Variants in TULP4 observed in about 807,000 individuals in gnomAD.
TULP4 encodes the protein TUB like protein 4.
A neutral mutation model predicts 129.0 loss-of-function variants in TULP4; 16 were observed. That is an observed-to-expected ratio of 0.12 (90% CI 0.08 to 0.19). The LOEUF is 0.19. Among genes scored for constraint, TULP4 ranks in the 10% least tolerant of loss-of-function variants. The pLI, the probability that TULP4 is intolerant of heterozygous loss-of-function variation, is 1.00. For synonymous variants in TULP4, 998 were observed against 854.0 expected (o/e 1.17, Z -2.94); for missense variants, 1,842 against 2,059.1 (o/e 0.89, Z 2.04).
chr6:158,461,629 A>G lies in TULP4; in HGVS notation c.926A>G (p.Gln309Arg), dbSNP rs1779430445. 1 of 1,614,104 alleles carries G rather than the reference A, an allele frequency of 6.2e-7. No individual in the cohort carries two copies. The change falls in exon 6 of 14, where the codon CAG becomes CGG. Residue 309 changes from glutamine (Q) to arginine (R), a missense_variant. Physicochemically the swap from Gln to Arg is conservative, Grantham distance 43 (BLOSUM62 1). Coordinates refer to ENST00000367097, the MANE Select transcript of TULP4 (RefSeq NM_020245.5). ...GTCGCTGGGATGGAACGGCAGACCC[A>G]GCTTGGTGAGCTTCCCAATGGTCCC... ...LAVAGMERQT[Q>R]LGELPNGPLL...
intron 1 of TULP4, among the ~76,000 whole-genome samples, chr6:158,300,667 C>T (rs1226316250): frequency 6.6e-6 from 1 of 152,196 alleles, no homozygotes; most frequent in African/African-American, 2.4e-5. Flanking sequence ...GCTGTGCCTT[C>T]CCGTTTGGCA....
intron 12 of TULP4, among the ~76,000 whole-genome samples, chr6:158,499,247 C>T (rs1395970418): frequency 1.3e-5 from 2 of 152,124 alleles, no homozygotes; most frequent in East Asian, 1.9e-4. Context: ...CCAGCATTCC[C>T]GTGGTGCGCA....
intron 4 of TULP4, among the ~76,000 whole-genome samples, chr6:158,450,316 G>T (rs568275803): frequency 6.6e-6 from 1 of 152,308 alleles, no homozygotes; most frequent in African/African-American, 2.4e-5. Flanking sequence ...TCCTGTGAAG[G>T]GCTGTTCCGG....
In TULP4 at chr6:158,481,041, C is replaced by T. The variant is rs752951147; in HGVS notation, c.1252-14C>T. 10 of 1,542,836 alleles carry T rather than the reference C, an allele frequency of 6.5e-6. No homozygotes were observed. Among genetic ancestry groups the T allele is most frequent in the South Asian group, 5.0e-5 (4 of 80,072 alleles). On this transcript the variant is annotated splice_polypyrimidine_tract_variant and intron_variant, in intron 7 of 13. Coordinates refer to ENST00000367097, the MANE Select transcript of TULP4 (RefSeq NM_020245.5). ...TGGAGTCCCAGCTCTTCATTTTCTTCCTGTATCCTCCAGCCCCCAATTCCA... is the reference window on the plus strand; with the variant it reads ...TGGAGTCCCAGCTCTTCATTTTCTTTCTGTATCCTCCAGCCCCCAATTCCA...
chr6:158,293,960 C>G (rs1778986800), intron 1 of TULP4, among the ~76,000 whole-genome samples: 3 of 152,180 alleles, frequency 2.0e-5, no homozygotes, highest in Non-Finnish European at 4.4e-5. Flanking sequence ...AAATTTGAAC[C>G]AGCCTCGGGG....
intron 1 of TULP4, among the ~76,000 whole-genome samples, chr6:158,367,958 G>T (rs2114863888): frequency 6.7e-6 from 1 of 149,762 alleles, no homozygotes; most frequent in East Asian, 2.0e-4. Context: ...GGCGTGGTGG[G>T]ATGTGCCTGT....
intron 5 of TULP4, among the ~76,000 whole-genome samples, chr6:158,459,867 T>C (rs1189664833): frequency 6.6e-6 from 1 of 152,184 alleles, no homozygotes; most frequent in Non-Finnish European, 1.5e-5. Context: ...GTCATCTCAG[T>C]TTCCTGATCA....
intron 6 of TULP4, among the ~76,000 whole-genome samples, chr6:158,470,774 G>T (rs945981690): frequency 1.3e-5 from 2 of 152,156 alleles, no homozygotes; most frequent in African/African-American, 4.8e-5. Context: ...AAGATTTTTC[G>T]TTCATTCAGT....
At chr6:158,257,187 C>T (rs1249152499) in intron 1 of TULP4, among the ~76,000 whole-genome samples, 1 of 152,060 alleles carries the variant, frequency 6.6e-6, no homozygotes, top group East Asian at 1.9e-4. Flanking sequence ...TGTTTGACAA[C>T]CCCTGCCCCC....
chr6:158,395,879 C>A (rs547730484), intron 1 of TULP4, among the ~76,000 whole-genome samples: 1 of 151,630 alleles, frequency 6.6e-6, no homozygotes, highest in East Asian at 1.9e-4. Context: ...TACTACAATT[C>A]TGTTTTATGC....
intron 1 of TULP4, among the ~76,000 whole-genome samples, chr6:158,235,548 A>G (rs1053891056): frequency 3.3e-5 from 5 of 152,132 alleles, no homozygotes; most frequent in African/African-American, 7.2e-5. Flanking sequence ...AGGTCTCACT[A>G]TGTTGCCCAG....
chr6:158,237,479 A>C (rs1466484984), intron 1 of TULP4: 8 of 1,535,004 alleles, frequency 5.2e-6, no homozygotes, highest in Admixed American at 5.0e-5. Flanking sequence ...GGTCTTGGGG[A>C]GGTGGGTGGG....
At chr6:158,366,195 G>T (rs768871533) in intron 1 of TULP4, among the ~76,000 whole-genome samples, 1 of 152,124 alleles carries the variant, frequency 6.6e-6, no homozygotes, top group Non-Finnish European at 1.5e-5. Flanking sequence ...GGGCCACCGC[G>T]CCTGGCCGTC....
rs1377926300 is a variant in TULP4 at position 158,388,316 on chromosome 6, G to GTTTTT, written c.253-24748_253-24744dup. On this transcript the variant is annotated intron_variant, in intron 1 of 13. Coordinates refer to ENST00000367097, the MANE Select transcript of TULP4 (RefSeq NM_020245.5). ...TTGTTTAAAGAAAAATAATCTGCTCGTTTTTCTTTTTTTTTTTTTTTTTTT... is the reference window on the plus strand; with the variant it reads ...TTGTTTAAAGAAAAATAATCTGCTCGTTTTTTTTTTCTTTTTTTTTTTTTTTTTTT... Among the ~76,000 whole-genome samples the GTTTTT allele has an allele frequency of 5.7e-3, 524 of 92,694 alleles. 27 individuals carry two copies. The highest frequency in any genetic ancestry group is 0.02 in the South Asian group (55 of 2,722). 60.8% of individuals were successfully genotyped at this position (92,694 alleles called of 152,430 possible). A position where few individuals can be genotyped will look rare whatever the true frequency, so the allele number is the denominator to read the frequency against.
At position 158,507,352 on chromosome 6, in the gene TULP4, C is replaced by G. The variant is rs578139547; in HGVS notation, c.*658C>G. ...GAAGGGACGAAGGGTAAAGAAGAAA[C>G]TGCACGTATACACAGGTTCACATCA... On this transcript the variant is annotated 3_prime_UTR_variant, in exon 14 of 14. Transcript: ENST00000367097. The G allele has an allele frequency of 6.5e-6, 1 of 153,886 alleles. No individual in the cohort carries two copies. The highest frequency in any genetic ancestry group is 6.4e-5 in the Admixed American group (1 of 15,636). 9.5% of individuals were successfully genotyped at this position (153,886 alleles called of 1,614,324 possible). A position where few individuals can be genotyped will look rare whatever the true frequency, so the allele number is the denominator to read the frequency against.
At chr6:158,281,893 A>G (rs1340376586), upstream of TULP4, among the ~76,000 whole-genome samples, 1 of 152,150 alleles carries the variant, frequency 6.6e-6, no homozygotes, top group African/African-American at 2.4e-5. Flanking sequence ...AAAATTTAAT[A>G]CTGGGAAAAA....
rs1488423240 is a variant in TULP4 at position 158,503,730 on chromosome 6, G to T, written c.4067G>T (p.Gly1356Val). The T allele has an allele frequency of 8.1e-6, 13 of 1,613,944 alleles. No individual in the cohort carries two copies. Among genetic ancestry groups the T allele is most frequent in the Non-Finnish European group, 1.0e-5 (12 of 1,180,040 alleles). The part of the protein sequence containing the change: ...EEGSVQAITE[G>V]KVKKEARTLS... ...GGCAGCGTTCAGGCCATCACTGAGG[G>T]CAAAGTGAAGAAGGAGGCTAGGACT... Residue 1356 changes from glycine to valine, a missense_variant, in exon 13 of 14, where the codon GGC (glycine) becomes GTC (valine). By Grantham distance (109) the Gly-to-Val change is moderately radical. Coordinates refer to ENST00000367097, the MANE Select transcript of TULP4 (RefSeq NM_020245.5). The surrounding 1 kb of genome is among the most constrained non-coding windows in gnomAD (Gnocchi z 4.3).
At chr6:158,391,560 A>T (rs1362745056) in intron 1 of TULP4, among the ~76,000 whole-genome samples, 1 of 152,178 alleles carries the variant, frequency 6.6e-6, no homozygotes, top group African/African-American at 2.4e-5. Context: ...CACTAAGACA[A>T]AATTTAAAAT....
At chr6:158,244,709 T>C (rs954350091) in intron 1 of TULP4, among the ~76,000 whole-genome samples, 2 of 152,312 alleles carry the variant, frequency 1.3e-5, no homozygotes, top group East Asian at 3.9e-4. Context: ...ATTTCTGTTG[T>C]GGCCGGGCAT....
Sources: gnomAD v4.1 joint callset for allele counts (sites outside exome capture counted in the v4.1 genomes callset) on GRCh38, gnomAD v4.1.1 for gene constraint, Gnocchi (gnomAD v3.1) non-coding constraint, MANE v1.5 for transcripts, NCBI Gene and HGNC (gene_info 2026-07-23, HGNC 2026-07-21) for gene names.